Variants in PRG4 observed in about 807,000 individuals in gnomAD.
The protein encoded by PRG4 is articular superficial zone protein.
PRG4 carries 61 observed loss-of-function variants against 91.2 expected under a neutral mutation model. The observed-to-expected ratio is 0.67, with a 90% CI of 0.54 to 0.83. The LOEUF (loss-of-function observed/expected upper bound fraction) is 0.83. Ranked by LOEUF, PRG4 falls within the 40% of genes least tolerant of loss-of-function variation. PRG4 has a pLI of 0.00. For synonymous variants in PRG4, 576 were observed against 614.2 expected (o/e 0.94, Z 0.92); for missense variants, 1,564 against 1,714.2 (o/e 0.91, Z 1.55).
chr1:186,305,112 A>T (rs893389519), intron 6 of PRG4, among the ~76,000 whole-genome samples, 190 bp downstream of exon 6: 1 of 152,202 alleles, frequency 6.6e-6, no homozygotes, highest in African/African-American at 2.4e-5. Context: ...CTAAGAAGCC[A>T]CTCTAAAAGC....
In PRG4 at chr1:186,307,639, C is replaced by T. The variant is rs561412418; in HGVS notation, c.1920C>T (p.Pro640=). The part of the protein sequence containing the change: ...EKLAPTTPEK[P]APTTPEELAP... ...TCGCACCCACCACCCCTGAGAAGCCCGCACCCACCACCCCTGAGGAGCTCG... is the reference window on the plus strand; with the variant it reads ...TCGCACCCACCACCCCTGAGAAGCCTGCACCCACCACCCCTGAGGAGCTCG... The change falls in exon 7 of 13, where the codon CCC becomes CCT. Residue 640 remains proline, a synonymous_variant. Transcript: ENST00000445192. The T allele has an allele frequency of 6.7e-5, 102 of 1,533,358 alleles. 1 individual carries two copies. In the East Asian group the frequency reaches 8.3e-4, roughly 13 times the overall value. The allele number at this position is 1,533,358 out of a possible 1,614,324, so 95.0% of individuals were successfully genotyped here. A position where few individuals can be genotyped will look rare whatever the true frequency, so the allele number is the denominator to read the frequency against.
In PRG4 at chr1:186,312,108, T is replaced by A. The variant is rs575233266; in HGVS notation, c.3794-67T>A. The A allele has an allele frequency of 4.2e-5, 59 of 1,418,610 alleles. No individual in the cohort carries two copies. The African/African-American group carries it at 7.7e-4, about 18-fold the overall frequency. 87.9% of individuals were successfully genotyped at this position (1,418,610 alleles called of 1,614,324 possible). A position where few individuals can be genotyped will look rare whatever the true frequency, so the allele number is the denominator to read the frequency against. On this transcript the variant is annotated intron_variant, in intron 10 of 12. Transcript: ENST00000445192. Reference sequence around the variant, plus strand: ...GTTTCCTATACATTGTAAAAGTTGTTTTCCACCTTTTCTGAGGGTATTAAA... The same window carrying A: ...GTTTCCTATACATTGTAAAAGTTGTATTCCACCTTTTCTGAGGGTATTAAA...
At chr1:186,312,591 TA>T in intron 11 of PRG4, 177 bp from the exon 12 acceptor site, 1 of 786,704 alleles carries the variant, frequency 1.3e-6, no homozygotes, top group East Asian at 2.7e-5. Context: ...GTTTGTTAGT[TA>T]TAACCAATAC....
chr1:186,314,505 GTAATTAT>G lies in PRG4; in HGVS notation c.*729_*735del, dbSNP rs1657526453. 17 of 641,640 alleles carry G rather than the reference GTAATTAT, an allele frequency of 2.6e-5. No individual in the cohort carries two copies. In the East Asian group the frequency reaches 5.2e-4, roughly 20 times the overall value. The allele number at this position is 641,640 out of a possible 1,614,324, so 39.7% of individuals were successfully genotyped here. Reference sequence around the variant, plus strand: ...TTGGTAAATATCACCTGCTCAACATGTAATTATTTAATAAAACTTTGGAACATTAAAA... The same window carrying G: ...TTGGTAAATATCACCTGCTCAACATGTTAATAAAACTTTGGAACATTAAAA... On this transcript the variant is annotated 3_prime_UTR_variant, in exon 13 of 13. Transcript: ENST00000445192.
chr1:186,300,046 A>G (rs1224070388), intron 2 of PRG4, 45 bp from the exon 3 acceptor site: 2 of 1,607,360 alleles, frequency 1.2e-6, no homozygotes, highest in East Asian at 2.2e-5. Flanking sequence ...CTCCCTTTCT[A>G]TAAAGTGGTT....
rs778274695 is a variant in PRG4 at position 186,313,808 on chromosome 1, G to A, written c.*30G>A. ...ATGAGCAAAGGAGGAGTCAACTAAT[G>A]AAGAAATGAATAATAAATTTTGACA... On this transcript the variant is annotated 3_prime_UTR_variant, in exon 13 of 13. Coordinates refer to ENST00000445192, the MANE Select transcript of PRG4 (RefSeq NM_005807.6). 1 of 1,534,878 alleles carries A rather than the reference G, an allele frequency of 6.5e-7. No homozygotes were observed. The highest frequency in any genetic ancestry group is 1.7e-5 in the Admixed American group (1 of 59,900).
rs1198271385 is a variant in PRG4 at position 186,311,127 on chromosome 1, T to C, written c.3593T>C (p.Val1198Ala). Residue 1198 changes from valine (V) to alanine (A), a missense_variant, in exon 9 of 13, where the codon GTT becomes GCT. Physicochemically the swap from Val to Ala is moderately conservative, Grantham distance 64. Around this residue, in one of 3 missense-constraint regions of PRG4, gnomAD observed 1,079 missense variants for 1,162.2 expected, o/e 0.93. Transcript: ENST00000445192. ...VWGIPSPIDT[V>A]FTRCNCEGKT... ...GGTATTCCTTCCCCCATTGATACTG[T>C]TTTTACTAGGTGCAACTGTGAAGGA... 1 of 1,613,532 alleles carries C rather than the reference T, an allele frequency of 6.2e-7. No individual in the cohort carries two copies. The highest frequency in any genetic ancestry group is 8.5e-7 in the Non-Finnish European group (1 of 1,179,476).
intron 5 of PRG4, 105 bp from the exon 6 acceptor site, chr1:186,304,689 A>T (rs1571558882): frequency 7.1e-7 from 1 of 1,406,676 alleles, no homozygotes; most frequent in East Asian, 2.3e-5. Flanking sequence ...CAAAATCCAG[A>T]TACTTGTAGA....
chr1:186,300,746 T>C (rs938705946), intron 3 of PRG4, among the ~76,000 whole-genome samples: 3 of 152,232 alleles, frequency 2.0e-5, no homozygotes, highest in Non-Finnish European at 4.4e-5. Flanking sequence ...GAATTTCAGT[T>C]AAAATCTGAA....
rs186703065 is a variant in PRG4 at position 186,301,523 on chromosome 1, A to G, written c.200-69A>G. The G allele has an allele frequency of 2.4e-5, 38 of 1,606,890 alleles. No homozygotes were observed. The African/African-American group carries it at 3.9e-4, about 16-fold the overall frequency. ...AACCTAGTCAAGTCTAAGGTGGGAA[A>G]TGGCTGTCAAATACGTGGGCCTGGC... On this transcript the variant is annotated intron_variant, in intron 3 of 12. Transcript: ENST00000445192.
At chr1:186,311,775 C>T (rs1201795459) in intron 10 of PRG4, 179 bp downstream of exon 10, 1 of 677,836 alleles carries the variant, frequency 1.5e-6, no homozygotes. Context: ...ATTTTCATTT[C>T]TTCACAGGCA....
chr1:186,296,990 T>C, intron 2 of PRG4, 39 bp downstream of exon 2: 3 of 1,508,886 alleles, frequency 2.0e-6, no homozygotes, highest in Non-Finnish European at 2.8e-6. Context: ...TTAACAACTA[T>C]TGCTAATCAT....
Position 186,300,585 on chromosome 1 carries a change from C to T in PRG4, c.199+372C>T, listed in dbSNP as rs565259323. On this transcript the variant is annotated intron_variant, in intron 3 of 12. Transcript: ENST00000445192. ...AGTAATTATTTACAATCAGAGATGTCCTCGACTAGTAATGAGGACTTTCAA... is the reference window on the plus strand; with the variant it reads ...AGTAATTATTTACAATCAGAGATGTTCTCGACTAGTAATGAGGACTTTCAA... Among the ~76,000 whole-genome samples, 29 of 152,240 alleles carry T rather than the reference C, an allele frequency of 1.9e-4. 1 individual carries two copies. The South Asian group carries it at 6.0e-3, about 32-fold the overall frequency.
intron 12 of PRG4, 63 bp downstream of exon 12, chr1:186,312,957 G>C (rs1168208354): frequency 1.3e-6 from 2 of 1,524,438 alleles, no homozygotes; most frequent in Admixed American, 1.7e-5. Context: ...TGAAGATAAA[G>C]TAAAAATGCT....
chr1:186,297,356 A>G (rs1655927286), intron 2 of PRG4, among the ~76,000 whole-genome samples: 1 of 152,246 alleles, frequency 6.6e-6, no homozygotes, highest in African/African-American at 2.4e-5. Flanking sequence ...AATTATTGAT[A>G]AATAACTTAT....
At position 186,314,072 on chromosome 1, in the gene PRG4, C is replaced by A; in HGVS notation, c.*294C>A. On this transcript the variant is annotated 3_prime_UTR_variant, in exon 13 of 13. Transcript: ENST00000445192. ...AAATTGAATATATCTTTTAAGAATTCAAAACTAGTGTATTCACTTACCCTA... is the reference window on the plus strand; with the variant it reads ...AAATTGAATATATCTTTTAAGAATTAAAAACTAGTGTATTCACTTACCCTA... 1.3e-6 allele frequency: 2 copies of A among 1,560,486 alleles called. No individual in the cohort carries two copies. The highest frequency in any genetic ancestry group is 2.3e-5 in the South Asian group (2 of 88,474).
chr1:186,307,529 A>C lies in PRG4; in HGVS notation c.1810A>C (p.Thr604Pro), dbSNP rs61831150. The change falls in exon 7 of 13, where the codon ACT becomes CCT. Residue 604 changes from threonine to proline, a missense_variant. Around this residue, in one of 3 missense-constraint regions of PRG4, gnomAD observed 1,079 missense variants for 1,162.2 expected, o/e 0.93. Transcript: ENST00000445192. The part of the protein sequence containing the change: ...PTTTKKPAPT[T>P]PKEPAPTTPK... ...CACCACCAAGAAGCCTGCACCCACC[A>C]CTCCCAAAGAGCCTGCCCCAACTAC... 2.5e-6 allele frequency: 4 copies of C among 1,586,494 alleles called. No individual in the cohort carries two copies. Among genetic ancestry groups the C allele is most frequent in the Admixed American group, 3.5e-5 (2 of 56,972 alleles).
Position 186,311,116 on chromosome 1 carries a change from C to T in PRG4, c.3582C>T (p.Pro1194=), listed in dbSNP as rs747510179. The change falls in exon 9 of 13, where the codon CCC becomes CCT. Residue 1194 remains proline (P), a synonymous_variant. Transcript: ENST00000445192. ...RITEVWGIPS[P]IDTVFTRCNC... ...CTGAAGTTTGGGGTATTCCTTCCCCCATTGATACTGTTTTTACTAGGTGCA... is the reference window on the plus strand; with the variant it reads ...CTGAAGTTTGGGGTATTCCTTCCCCTATTGATACTGTTTTTACTAGGTGCA... 6.2e-7 allele frequency: 1 copy of T among 1,613,424 alleles called. No homozygotes were observed. The highest frequency in any genetic ancestry group is 8.5e-7 in the Non-Finnish European group (1 of 1,179,400).
chr1:186,314,077 CTAGTG>C lies in PRG4; in HGVS notation c.*302_*306del. 6.5e-7 allele frequency: 1 copy of C among 1,537,506 alleles called. No individual in the cohort carries two copies. The highest frequency in any genetic ancestry group is 8.9e-7 in the Non-Finnish European group (1 of 1,122,926). On this transcript the variant is annotated 3_prime_UTR_variant, in exon 13 of 13. Transcript: ENST00000445192. ...GAATATATCTTTTAAGAATTCAAAA[CTAGTG>C]TATTCACTTACCCTAGTTCATTATA...
Sources: gnomAD v4.1 joint callset for allele counts (sites outside exome capture counted in the v4.1 genomes callset) on GRCh38, gnomAD v4.1.1 for gene constraint, gnomAD v4.1.1 regional missense constraint, MANE v1.5 for transcripts, NCBI Gene and HGNC (gene_info 2026-07-23, HGNC 2026-07-21) for gene names.